The following SMIM20 variants were observed in gnomAD, a reference collection of about 807,000 sequenced individuals.
SMIM20 encodes mitochondrial translation regulation assembly intermediate of cytochrome c oxidase protein of 7 kDa.
SMIM20 carries 3 observed loss-of-function variants against 8.7 expected under a neutral mutation model. The ratio of observed to expected loss-of-function variants is 0.34; its 90% confidence interval spans 0.16 to 0.89. SMIM20 has a LOEUF of 0.89. Among genes scored for constraint, SMIM20 ranks in the 40% least tolerant of loss-of-function variants. The pLI is 0.49. For synonymous variants in SMIM20, 44 were observed against 33.6 expected, an observed-to-expected ratio of 1.31 and a Z score of -1.07; for missense variants, 85 against 84.8, an observed-to-expected ratio of 1.00 and a Z score of -0.01.
chr4:25,915,390 G>A (rs897180817), intron 1 of SMIM20, among the ~76,000 whole-genome samples: 1 of 152,040 alleles, frequency 6.6e-6, no homozygotes, highest in Admixed American at 6.6e-5. Flanking sequence ...GATGGAAGAG[G>A]GCCAACCCTG....
intron 1 of SMIM20, 69 bp from the exon 2 acceptor site, chr4:25,928,244 A>G: frequency 3.4e-6 from 5 of 1,452,852 alleles, no homozygotes; most frequent in Non-Finnish European, 4.7e-6. Flanking sequence ...TCATTGGCCC[A>G]TGTAAATACA....
chr4:25,915,747 A>C (rs1359326259), intron 1 of SMIM20, among the ~76,000 whole-genome samples: 1 of 151,682 alleles, frequency 6.6e-6, no homozygotes, highest in African/African-American at 2.4e-5. Context: ...ATCCCATTGG[A>C]AAAGTCAGTT....
At position 25,929,340 on chromosome 4, in the gene SMIM20, G is replaced by A. The variant is rs1711589432; in HGVS notation, c.*149G>A. Reference sequence around the variant, plus strand: ...ATAAGAGTGCTTGTAATAAAAGACTGTGCACAAGGATTAATATTTCCCTTC... The same window carrying A: ...ATAAGAGTGCTTGTAATAAAAGACTATGCACAAGGATTAATATTTCCCTTC... On this transcript the variant is annotated 3_prime_UTR_variant, in exon 3 of 3. Transcript: ENST00000506197. 1 of 689,726 alleles carries A rather than the reference G, an allele frequency of 1.4e-6. No homozygotes were observed. Among genetic ancestry groups the A allele is most frequent in the Non-Finnish European group, 2.4e-6 (1 of 423,860 alleles). The allele number at this position is 689,726 out of a possible 1,614,324, so 42.7% of individuals were successfully genotyped here.
chr4:25,929,643 G>A lies in SMIM20; in HGVS notation c.*452G>A, dbSNP rs997549730. The A allele has an allele frequency of 1.1e-4, 17 of 154,390 alleles. No homozygotes were observed. Among genetic ancestry groups the A allele is most frequent in the African/African-American group, 3.4e-4 (14 of 41,652 alleles). The allele number at this position is 154,390 out of a possible 1,614,324, so 9.6% of individuals were successfully genotyped here. On this transcript the variant is annotated 3_prime_UTR_variant, in exon 3 of 3. Coordinates refer to ENST00000506197, the MANE Select transcript of SMIM20 (RefSeq NM_001145432.3). Reference sequence around the variant, plus strand: ...CTTATAGAGCTCTTCGAAAATGTTCGAGTTGATAAAGCTCTTTGAGGACAA... The same window carrying A: ...CTTATAGAGCTCTTCGAAAATGTTCAAGTTGATAAAGCTCTTTGAGGACAA...
chr4:25,919,366 T>C (rs539927118), intron 1 of SMIM20, among the ~76,000 whole-genome samples: 1 of 152,128 alleles, frequency 6.6e-6, no homozygotes, highest in Non-Finnish European at 1.5e-5. Flanking sequence ...CTTGAGACAG[T>C]CTTGCTCTGT....
chr4:25,926,417 A>G (rs1290891675), intron 1 of SMIM20, among the ~76,000 whole-genome samples: 1 of 152,278 alleles, frequency 6.6e-6, no homozygotes, highest in Non-Finnish European at 1.5e-5. Flanking sequence ...GAACTGGCTC[A>G]GCAAAGTGGT....
chr4:25,928,753 G>A (rs1054792394), intron 2 of SMIM20, among the ~76,000 whole-genome samples: 1 of 152,196 alleles, frequency 6.6e-6, no homozygotes, highest in Non-Finnish European at 1.5e-5. Flanking sequence ...AATTGATGTG[G>A]GGTTCTGCTT....
rs1577362912 is a variant in SMIM20 at position 25,928,139 on chromosome 4, A to G, written c.110-174A>G. 3.1e-5 allele frequency: 16 copies of G among 508,092 alleles called. No individual in the cohort carries two copies. In the East Asian group the frequency reaches 5.3e-4, roughly 17 times the overall value. The allele number at this position is 508,092 out of a possible 1,614,324, so 31.5% of individuals were successfully genotyped here. ...TTTGAAAATACCCAATCTCTTTTGCATTATAGGATCTAACTTCCACAACCT... is the reference window on the plus strand; with the variant it reads ...TTTGAAAATACCCAATCTCTTTTGCGTTATAGGATCTAACTTCCACAACCT... On this transcript the variant is annotated intron_variant, in intron 1 of 2. Transcript: ENST00000506197.
intron 1 of SMIM20, among the ~76,000 whole-genome samples, chr4:25,919,363 C>T (rs781258244): frequency 1.9e-4 from 29 of 150,944 alleles, no homozygotes; most frequent in Non-Finnish European, 3.1e-4. Context: ...TTTCTTGAGA[C>T]AGTCTTGCTC....
Position 25,924,027 on chromosome 4 carries a change from G to T in SMIM20, c.110-4286G>T, listed in dbSNP as rs190760932. Among the ~76,000 whole-genome samples, 19 of 152,206 alleles carry T rather than the reference G, an allele frequency of 1.2e-4. No individual in the cohort carries two copies. The East Asian group carries it at 3.5e-3, about 28-fold the overall frequency. Reference sequence around the variant, plus strand: ...GTCATATGGCTTCCCCTCCGTCCCTGGTTCTTTCTTGTCACCACGTCCATT... The same window carrying T: ...GTCATATGGCTTCCCCTCCGTCCCTTGTTCTTTCTTGTCACCACGTCCATT... On this transcript the variant is annotated intron_variant, in intron 1 of 2. Coordinates refer to ENST00000506197, the MANE Select transcript of SMIM20 (RefSeq NM_001145432.3).
At chr4:25,924,952 C>G (rs780125824) in intron 1 of SMIM20, among the ~76,000 whole-genome samples, 4 of 151,978 alleles carry the variant, frequency 2.6e-5, no homozygotes, top group Admixed American at 2.6e-4. Context: ...GTTTCATGCA[C>G]AAAATTATTA....
intron 1 of SMIM20, among the ~76,000 whole-genome samples, 190 bp downstream of exon 1, chr4:25,914,612 C>A (rs1364788908): frequency 6.6e-6 from 1 of 152,216 alleles, no homozygotes; most frequent in Admixed American, 6.5e-5. Flanking sequence ...GTATCCTCAT[C>A]TGTGAATGTT....
At chr4:25,927,385 G>A (rs1375429262) in intron 1 of SMIM20, among the ~76,000 whole-genome samples, 1 of 152,100 alleles carries the variant, frequency 6.6e-6, no homozygotes, top group Non-Finnish European at 1.5e-5. Flanking sequence ...TTCTTGTACC[G>A]TTACGTTTGT....
chr4:25,927,072 G>A (rs1711529381), intron 1 of SMIM20, among the ~76,000 whole-genome samples: 1 of 152,198 alleles, frequency 6.6e-6, no homozygotes, highest in Admixed American at 6.5e-5. Context: ...ACTCTAAATG[G>A]AAGAAATCTT....
intron 1 of SMIM20, among the ~76,000 whole-genome samples, chr4:25,922,503 C>A (rs1285425528): frequency 6.6e-6 from 1 of 152,188 alleles, no homozygotes; most frequent in African/African-American, 2.4e-5. Context: ...TCTAGGCCAT[C>A]CTCTCCTTCC....
intron 1 of SMIM20, among the ~76,000 whole-genome samples, chr4:25,919,082 T>A (rs1292658801): frequency 6.7e-6 from 1 of 148,490 alleles, no homozygotes; most frequent in Non-Finnish European, 1.5e-5. Flanking sequence ...TTTTTTGTAT[T>A]TTTAGTAGAG....
At chr4:25,918,080 T>C (rs981149845) in intron 1 of SMIM20, among the ~76,000 whole-genome samples, 1 of 151,798 alleles carries the variant, frequency 6.6e-6, no homozygotes, top group Non-Finnish European at 1.5e-5. Context: ...GTAGCTGGGA[T>C]TACAGGTGCC....
At chr4:25,925,177 C>T (rs1448256520) in intron 1 of SMIM20, among the ~76,000 whole-genome samples, 1 of 152,162 alleles carries the variant, frequency 6.6e-6, no homozygotes, top group Non-Finnish European at 1.5e-5. Context: ...ATACAGCCCA[C>T]GTTCAAATTT....
chr4:25,915,523 C>T (rs577618351), intron 1 of SMIM20, among the ~76,000 whole-genome samples: 44 of 152,308 alleles, frequency 2.9e-4, no homozygotes, highest in African/African-American at 1.0e-3. Flanking sequence ...GTTTTAAGTG[C>T]ACACTCAGAT....
Sources: allele counts gnomAD v4.1 joint callset (sites outside exome capture counted in the v4.1 genomes callset), GRCh38; gene constraint gnomAD v4.1.1; transcripts MANE v1.5; gene names NCBI Gene and HGNC (gene_info 2026-07-23, HGNC 2026-07-21).